The following SEMA5A variants were observed in gnomAD, a reference collection of about 807,000 sequenced individuals.
The protein encoded by SEMA5A is semaphorin 5A.
SEMA5A carries 55 observed loss-of-function variants against 135.5 expected under a neutral mutation model. The ratio of observed to expected loss-of-function variants is 0.41; its 90% confidence interval spans 0.33 to 0.51. SEMA5A has a LOEUF of 0.51. Ranked by LOEUF, SEMA5A falls within the 20% of genes least tolerant of loss-of-function variation. SEMA5A has a pLI of 0.37. For synonymous variants in SEMA5A, 580 were observed against 546.5 expected, an observed-to-expected ratio of 1.06 and a Z score of -0.85; for missense variants, 1,290 against 1,419.9, an observed-to-expected ratio of 0.91 and a Z score of 1.47.
chr5:9,446,516 T>G (rs1758440272), intron 1 of SEMA5A, among the ~76,000 whole-genome samples: 1 of 152,128 alleles, frequency 6.6e-6, no homozygotes, highest in African/African-American at 2.4e-5. Context: ...GCAGGCAATT[T>G]TGAAGAGCTT....
At chr5:9,236,010 T>G (rs1747888578) in intron 6 of SEMA5A, among the ~76,000 whole-genome samples, 1 of 152,256 alleles carries the variant, frequency 6.6e-6, no homozygotes, top group East Asian at 1.9e-4. Flanking sequence ...AGAGAGCTTG[T>G]GCAGGGGAAC....
chr5:9,091,435 T>C (rs1209519001), intron 16 of SEMA5A, among the ~76,000 whole-genome samples: 1 of 152,138 alleles, frequency 6.6e-6, no homozygotes, highest in Non-Finnish European at 1.5e-5. Flanking sequence ...TAGAGCAGTG[T>C]AGGTCCTGAG....
At chr5:9,050,689 A>G (rs569757916) in intron 20 of SEMA5A, among the ~76,000 whole-genome samples, 1 of 152,370 alleles carries the variant, frequency 6.6e-6, no homozygotes, top group East Asian at 1.9e-4. Flanking sequence ...TTTATCACAG[A>G]AAGATAATGC....
Position 9,042,290 on chromosome 5 carries a change from C to G in SEMA5A, c.*607G>C, listed in dbSNP as rs1326187790. 6.5e-6 allele frequency: 1 copy of G among 153,124 alleles called. No homozygotes were observed. Among genetic ancestry groups the G allele is most frequent in the Admixed American group, 6.5e-5 (1 of 15,300 alleles). The allele number at this position is 153,124 out of a possible 1,614,324, so 9.5% of individuals were successfully genotyped here. On this transcript the variant is annotated 3_prime_UTR_variant, in exon 23 of 23. Transcript: ENST00000382496. ...ATCAGGAGCAAGGTGGGGTGCCTCA[C>G]AGTCTACTGTAACTTCTGCCGGTGT...
rs879650371 is a variant in SEMA5A at position 9,428,098 on chromosome 5, A to G, written c.-78+9658T>C. ...TATATATATGTGTGTGTATATATATATATATATATATATATATATTCAACT... is the reference window on the plus strand; with the variant it reads ...TATATATATGTGTGTGTATATATATGTATATATATATATATATATTCAACT... On this transcript the variant is annotated intron_variant, in intron 2 of 22. Coordinates refer to ENST00000382496, the MANE Select transcript of SEMA5A (RefSeq NM_003966.3). 9.5e-4 allele frequency among the ~76,000 whole-genome samples: 80 copies of G among 84,274 alleles called. No homozygotes were observed. The Middle Eastern group carries it at 0.027, about 29-fold the overall frequency. The allele number at this position is 84,274 out of a possible 152,430, so 55.3% of individuals were successfully genotyped here. A position where few individuals can be genotyped will look rare whatever the true frequency, so the allele number is the denominator to read the frequency against.
intron 1 of SEMA5A, among the ~76,000 whole-genome samples, chr5:9,463,970 A>T (rs930946537): frequency 6.6e-6 from 1 of 152,132 alleles, no homozygotes; most frequent in Admixed American, 6.6e-5. Flanking sequence ...AGTCTTTTCA[A>T]ATCTGTGATG....
chr5:9,139,088 ACTT>A (rs1264783490), intron 12 of SEMA5A, among the ~76,000 whole-genome samples: 2 of 152,128 alleles, frequency 1.3e-5, no homozygotes, highest in Admixed American at 6.6e-5. Flanking sequence ...TCATATAATG[ACTT>A]CTTCTCCACC....
chr5:9,412,080 T>C (rs1278338650), intron 2 of SEMA5A, among the ~76,000 whole-genome samples: 1 of 152,116 alleles, frequency 6.6e-6, no homozygotes, highest in Non-Finnish European at 1.5e-5. Flanking sequence ...TAAGGGTAAA[T>C]GATATTGTGA....
At chr5:9,225,389 TAAAAAAAAAAAAAAAAA>T (rs34806769) in intron 7 of SEMA5A, among the ~76,000 whole-genome samples, 3 of 43,084 alleles carry the variant, frequency 7.0e-5, no homozygotes, top group African/African-American at 3.1e-4. Context: ...CCATCTCTAC[TAAAAAAAAAAAAAAAAA>T]AAAAAAAAAA....
intron 5 of SEMA5A, among the ~76,000 whole-genome samples, chr5:9,281,682 A>G (rs1356656926): frequency 6.6e-6 from 1 of 152,226 alleles, no homozygotes; most frequent in Non-Finnish European, 1.5e-5. Flanking sequence ...CAAATAGGGT[A>G]AGGCAAATCG....
chr5:9,458,564 T>C (rs1758935034), intron 1 of SEMA5A, among the ~76,000 whole-genome samples: 1 of 152,168 alleles, frequency 6.6e-6, no homozygotes, highest in Admixed American at 6.5e-5. Flanking sequence ...AGGCAGCTTT[T>C]GGTCAGATTG....
rs933285134 is a variant in SEMA5A, at chr5:9,491,750, A to T, written c.-175+53834T>A. ...AATAATAATTAAGAAAAGATGTTGTATTACCACTAACATTTTACCCATTCA... is the reference window on the plus strand; with the variant it reads ...AATAATAATTAAGAAAAGATGTTGTTTTACCACTAACATTTTACCCATTCA... On this transcript the variant is annotated intron_variant, in intron 1 of 22. Transcript: ENST00000382496. Among the ~76,000 whole-genome samples the T allele has an allele frequency of 2.0e-5, 3 of 152,338 alleles. No homozygotes were observed. The East Asian group carries it at 5.8e-4, about 29-fold the overall frequency.
chr5:9,090,362 C>G (rs114543832), intron 16 of SEMA5A, among the ~76,000 whole-genome samples: 2 of 152,202 alleles, frequency 1.3e-5, no homozygotes, highest in Admixed American at 6.5e-5. Context: ...CGCTTTAAAA[C>G]GAACTTCCAT....
chr5:9,295,708 A>G (rs1257060239), intron 5 of SEMA5A, among the ~76,000 whole-genome samples: 1 of 152,188 alleles, frequency 6.6e-6, no homozygotes, highest in Non-Finnish European at 1.5e-5. Flanking sequence ...GATAAAGATG[A>G]TACCTATCAA....
At chr5:9,433,207 T>G (rs184836110) in intron 2 of SEMA5A, among the ~76,000 whole-genome samples, 1 of 152,308 alleles carries the variant, frequency 6.6e-6, no homozygotes, top group African/African-American at 2.4e-5. Context: ...AAAGCAAAAC[T>G]ATATTTTAAA....
At chr5:9,198,117 A>G (rs775835071) in intron 9 of SEMA5A, among the ~76,000 whole-genome samples, 2 of 152,216 alleles carry the variant, frequency 1.3e-5, no homozygotes, top group Non-Finnish European at 2.9e-5. Context: ...AGATAAAACA[A>G]GAAAGCTTAC....
At chr5:9,132,598 A>G (rs1465456808) in intron 13 of SEMA5A, among the ~76,000 whole-genome samples, 2 of 152,232 alleles carry the variant, frequency 1.3e-5, no homozygotes, top group African/African-American at 4.8e-5. Context: ...ATTCTGTTGT[A>G]GCAACATAAA....
chr5:9,336,587 C>T (rs57237313), intron 4 of SEMA5A, among the ~76,000 whole-genome samples: 1 of 152,312 alleles, frequency 6.6e-6, no homozygotes, highest in East Asian at 1.9e-4. Flanking sequence ...TCCTCACAAA[C>T]GTCAAAAGAG....
At chr5:9,373,991 A>G (rs116525805) in intron 3 of SEMA5A, among the ~76,000 whole-genome samples, 1,673 of 152,328 alleles carry the variant, frequency 0.011, 25 homozygotes, top group African/African-American at 0.038. Context: ...AGACTCAGTA[A>G]GCATGCTGAG....
Sources: allele counts gnomAD v4.1 joint callset (sites outside exome capture counted in the v4.1 genomes callset), GRCh38; gene constraint gnomAD v4.1.1; transcripts MANE v1.5; gene names NCBI Gene and HGNC (gene_info 2026-07-23, HGNC 2026-07-21).